ZNF474: variants seen among roughly 807,000 people sequenced by gnomAD.
ZNF474 encodes zinc finger protein 474, also known as 4933409D10Rik.
For missense variants in ZNF474, 511 were observed against 433.8 expected (o/e 1.18, Z -1.58); for synonymous variants, 192 against 162.2 (o/e 1.18, Z -1.39).
At chr5:122,131,632 T>C (rs57990973) in intron 1 of ZNF474, among the ~76,000 whole-genome samples, 3,680 of 152,106 alleles carry the variant, frequency 0.024, 145 homozygotes, top group African/African-American at 0.084. Context: ...TTATTAGATA[T>C]ATGTTTTTAT....
chr5:122,135,108 GATTA>G (rs1256032094), intron 1 of ZNF474, among the ~76,000 whole-genome samples: 1 of 152,146 alleles, frequency 6.6e-6, no homozygotes, highest in South Asian at 2.1e-4. Context: ...TCTGACAAGG[GATTA>G]ATTATCAGAT....
chr5:122,147,936 T>C (rs944965786), intron 1 of ZNF474: 8 of 152,218 alleles, frequency 5.3e-5, no homozygotes, highest in Admixed American at 5.2e-4. Context: ...TCTGTAAATG[T>C]CCTATGTGCA....
intron 1 of ZNF474, among the ~76,000 whole-genome samples, chr5:122,140,731 T>C (rs967871137): frequency 1.2e-4 from 19 of 152,202 alleles, no homozygotes; most frequent in Non-Finnish European, 1.9e-4. Context: ...TTGACACTCT[T>C]CTACCTGTGG....
chr5:122,132,081 A>G (rs1455943051), intron 1 of ZNF474, among the ~76,000 whole-genome samples: 3 of 152,170 alleles, frequency 2.0e-5, no homozygotes, highest in Admixed American at 1.3e-4. Context: ...AAATGGAATA[A>G]TTAAGTACCT....
rs1215652767 is a variant in ZNF474, at chr5:122,152,026, G to C, written c.36G>C (p.Lys12Asn). The C allele has an allele frequency of 7.4e-6, 12 of 1,611,632 alleles. No homozygotes were observed. Among genetic ancestry groups the C allele is most frequent in the East Asian group, 2.2e-5 (1 of 44,878 alleles). The stretch of plus-strand genomic sequence containing the variant: ...GAAAGAAGAAAAGAATTTCCAATAA[G>C]TTACAACAAACTTTTCACCATTCTA... ...ERGKKKRISN[K>N]LQQTFHHSKE... The change falls in exon 2 of 2, where the codon AAG (lysine) becomes AAC (asparagine). Residue 12 changes from lysine to asparagine, a missense_variant. Physicochemically the swap from Lys to Asn is moderately conservative, Grantham distance 94. Transcript: ENST00000296600.
At chr5:122,147,950 A>T (rs1039717501) in intron 1 of ZNF474, 37 of 152,348 alleles carry the variant, frequency 2.4e-4, no homozygotes, top group African/African-American at 8.4e-4. Context: ...ATGTGCAGAT[A>T]TGGTCAAAAC....
chr5:122,146,674 A>C (rs942601551), intron 1 of ZNF474, among the ~76,000 whole-genome samples: 6 of 152,222 alleles, frequency 3.9e-5, no homozygotes, highest in African/African-American at 1.4e-4. Context: ...CTAAAATAAA[A>C]ATAAAAATTT....
chr5:122,149,230 C>G (rs571712733), intron 1 of ZNF474, among the ~76,000 whole-genome samples: 3 of 152,222 alleles, frequency 2.0e-5, no homozygotes, highest in Admixed American at 2.0e-4. Flanking sequence ...TACTCCAAAC[C>G]TCAGCATTAC....
At chr5:122,140,789 T>A (rs1223728257) in intron 1 of ZNF474, among the ~76,000 whole-genome samples, 3 of 152,206 alleles carry the variant, frequency 2.0e-5, no homozygotes, top group Non-Finnish European at 4.4e-5. Context: ...TCAGTCTCAC[T>A]CCTGTATTAA....
In ZNF474 at chr5:122,137,446, CAAAAAAAAAAAAAA is replaced by C. The variant is rs1166694085; in HGVS notation, c.-213+7781_-213+7794del. Reference sequence around the variant, plus strand: ...TGGGTGACAGAGTGAGACTCTGTCTCAAAAAAAAAAAAAAAAAAAAAAAAAAAAAAAGAGTAGTT... The same window carrying C: ...TGGGTGACAGAGTGAGACTCTGTCTCAAAAAAAAAAAAAAAAAGAGTAGTT... On this transcript the variant is annotated intron_variant, in intron 1 of 1. Coordinates refer to ENST00000296600, the MANE Select transcript of ZNF474 (RefSeq NM_207317.3). Among the ~76,000 whole-genome samples, 14 of 11,614 alleles carry C rather than the reference CAAAAAAAAAAAAAA, an allele frequency of 1.2e-3. 1 individual carries two copies. The highest frequency in any genetic ancestry group is 0.011 in the South Asian group (3 of 270). The allele number at this position is 11,614 out of a possible 152,430, so 7.6% of individuals were successfully genotyped here.
At chr5:122,147,544 GC>G (rs1309413746) in intron 1 of ZNF474, among the ~76,000 whole-genome samples, 6 of 148,198 alleles carry the variant, frequency 4.0e-5, no homozygotes, top group South Asian at 2.2e-4. Flanking sequence ...CCCACAACAG[GC>G]CCCCATGTGT....
At position 122,129,683 on chromosome 5, in the gene ZNF474, G is replaced by A. The variant is rs1037316561; in HGVS notation, c.-213G>A. ...GCCATGCTAAAAGGCAAAATAAAAA[G>A]GTAAAGAACAAATGTCACAAGGTGA... On this transcript the variant is annotated splice_region_variant and 5_prime_UTR_variant, in exon 1 of 2. Transcript: ENST00000296600. 1 of 152,210 alleles carries A rather than the reference G, an allele frequency of 6.6e-6. No individual in the cohort carries two copies. Among genetic ancestry groups the A allele is most frequent in the African/African-American group, 2.4e-5 (1 of 41,442 alleles). The allele number at this position is 152,210 out of a possible 1,614,324, so 9.4% of individuals were successfully genotyped here. A position where few individuals can be genotyped will look rare whatever the true frequency, so the allele number is the denominator to read the frequency against.
At chr5:122,139,222 T>C (rs1435898296) in intron 1 of ZNF474, among the ~76,000 whole-genome samples, 3 of 152,198 alleles carry the variant, frequency 2.0e-5, no homozygotes, top group Non-Finnish European at 4.4e-5. Context: ...CGGAGTTTAA[T>C]TATTTGAACT....
At chr5:122,133,539 G>A (rs1332446230) in intron 1 of ZNF474, among the ~76,000 whole-genome samples, 1 of 152,070 alleles carries the variant, frequency 6.6e-6, no homozygotes, top group Non-Finnish European at 1.5e-5. Flanking sequence ...TCTATTAGTT[G>A]CATTTTCCAG....
chr5:122,141,960 C>G (rs1336577951), intron 1 of ZNF474, among the ~76,000 whole-genome samples: 2 of 152,152 alleles, frequency 1.3e-5, no homozygotes, highest in African/African-American at 4.8e-5. Context: ...AGACTGGGCC[C>G]CTCACTTCTA....
chr5:122,140,009 C>A lies in ZNF474; in HGVS notation c.-213+10326C>A, dbSNP rs184469204. ...TTATTGGTGTCCCATGAATGTAGGCCAATGGAATTCTCTGAAAAGTTTGCC... is the reference window on the plus strand; with the variant it reads ...TTATTGGTGTCCCATGAATGTAGGCAAATGGAATTCTCTGAAAAGTTTGCC... On this transcript the variant is annotated intron_variant, in intron 1 of 1. Coordinates refer to ENST00000296600, the MANE Select transcript of ZNF474 (RefSeq NM_207317.3). Among the ~76,000 whole-genome samples, 11 of 152,226 alleles carry A rather than the reference C, an allele frequency of 7.2e-5. No homozygotes were observed. The East Asian group carries it at 2.1e-3, about 29-fold the overall frequency.
chr5:122,131,926 A>T (rs115830195), intron 1 of ZNF474, among the ~76,000 whole-genome samples: 2,969 of 152,186 alleles, frequency 0.02, 31 homozygotes, highest in Middle Eastern at 0.051. Flanking sequence ...GTTTTGACAA[A>T]TGATTATATC....
rs1481547565 is a variant in ZNF474 at position 122,152,025 on chromosome 5, A to C, written c.35A>C (p.Lys12Thr). ...ERGKKKRISNKLQQTFHHSKE... is the reference protein window; with the variant it reads ...ERGKKKRISNTLQQTFHHSKE... ...GGAAAGAAGAAAAGAATTTCCAATA[A>C]GTTACAACAAACTTTTCACCATTCT... The change falls in exon 2 of 2, where the codon AAG becomes ACG. Residue 12 changes from lysine (K) to threonine (T), a missense_variant. Lys to Thr is a moderately conservative substitution (Grantham distance 78). Coordinates refer to ENST00000296600, the MANE Select transcript of ZNF474 (RefSeq NM_207317.3). The C allele has an allele frequency of 6.2e-7, 1 of 1,611,052 alleles. No homozygotes were observed. The highest frequency in any genetic ancestry group is 2.2e-5 in the East Asian group (1 of 44,888).
At chr5:122,147,960 C>T (rs772472170) in intron 1 of ZNF474, 1 of 152,302 alleles carries the variant, frequency 6.6e-6, no homozygotes, top group Non-Finnish European at 1.5e-5. Flanking sequence ...ATGGTCAAAA[C>T]GAATAATTCA....
Sources: allele counts gnomAD v4.1 joint callset (sites outside exome capture counted in the v4.1 genomes callset), GRCh38; gene constraint gnomAD v4.1.1; transcripts MANE v1.5; gene names NCBI Gene and HGNC (gene_info 2026-07-23, HGNC 2026-07-21).